CACNA1H: variants seen among roughly 807,000 people sequenced by gnomAD.
The protein encoded by CACNA1H is calcium voltage-gated channel subunit alpha1 H.
CACNA1H carries 149 observed loss-of-function variants against 192.5 expected under a neutral mutation model. The ratio of observed to expected loss-of-function variants is 0.77; its 90% CI spans 0.68 to 0.89. The LOEUF (loss-of-function observed/expected upper bound fraction) is 0.89. Ranked by LOEUF, CACNA1H falls within the 40% of genes least tolerant of loss-of-function variation. The pLI is 0.00. For missense variants in CACNA1H, 4,257 were observed against 3,423.5 expected (o/e 1.24, Z -6.08); for synonymous variants, 2,202 against 1,475.2 (o/e 1.49, Z -11.29).
At chr16:1,197,011 G>T (rs1307940835) in intron 5 of CACNA1H, among the ~76,000 whole-genome samples, 2 of 152,242 alleles carry the variant, frequency 1.3e-5, no homozygotes, top group Non-Finnish European at 2.9e-5. Context: ...TGGCACTCAG[G>T]GCTTGACCTG....
intron 2 of CACNA1H, among the ~76,000 whole-genome samples, chr16:1,156,518 G>C (rs1022655565): frequency 1.3e-5 from 2 of 152,208 alleles, no homozygotes; most frequent in African/African-American, 4.8e-5. Context: ...AGTTGGGAGG[G>C]GGAGGCTTTG....
chr16:1,166,875 C>T (rs1294391414), intron 2 of CACNA1H, among the ~76,000 whole-genome samples: 2 of 152,186 alleles, frequency 1.3e-5, no homozygotes, highest in African/African-American at 4.8e-5. Flanking sequence ...CATGGCGCTG[C>T]CGGGCCGTCC....
chr16:1,186,521 C>T (rs1053889714), intron 2 of CACNA1H, among the ~76,000 whole-genome samples: 2 of 152,088 alleles, frequency 1.3e-5, no homozygotes, highest in Admixed American at 6.5e-5. Context: ...CTCTCCACGG[C>T]GTTCTCATCC....
At chr16:1,210,189 C>T (rs1023940397) in intron 18 of CACNA1H, 54 bp downstream of exon 18, 14 of 1,431,968 alleles carry the variant, frequency 9.8e-6, no homozygotes, top group Admixed American at 6.1e-5. Context: ...ACGGGACCCC[C>T]GCCCCCAGGT....
At chr16:1,186,524 T>C (rs943651123) in intron 2 of CACNA1H, among the ~76,000 whole-genome samples, 1 of 152,030 alleles carries the variant, frequency 6.6e-6, no homozygotes, top group Non-Finnish European at 1.5e-5. Context: ...TCCACGGCGT[T>C]CTCATCCTCC....
chr16:1,219,752 C>T (rs907135957), intron 34 of CACNA1H, among the ~76,000 whole-genome samples: 2 of 151,344 alleles, frequency 1.3e-5, no homozygotes, highest in African/African-American at 2.4e-5. Flanking sequence ...GGCATCTCTG[C>T]CCACAGAGCA....
At chr16:1,174,928 A>ACCCCCACGTCCACCCCCCCAC (rs1964720550) in intron 2 of CACNA1H, among the ~76,000 whole-genome samples, 2 of 130,082 alleles carry the variant, frequency 1.5e-5, no homozygotes, top group Non-Finnish European at 3.3e-5. Flanking sequence ...TTCACCCCCA[A>ACCCCCACGTCCACCCCCCCAC]CCCCCACGTC....
chr16:1,185,111 T>C (rs762948372), intron 2 of CACNA1H, among the ~76,000 whole-genome samples: 3 of 152,202 alleles, frequency 2.0e-5, no homozygotes, highest in Admixed American at 1.3e-4. Flanking sequence ...CCGTGTGACA[T>C]GTGGTCCTTC....
chr16:1,213,887 G>A lies in CACNA1H; in HGVS notation c.4885G>A (p.Val1629Ile). 1.2e-6 allele frequency: 2 copies of A among 1,611,982 alleles called. No homozygotes were observed. Among genetic ancestry groups the A allele is most frequent in the Middle Eastern group, 3.3e-4 (2 of 6,058 alleles). ...LDLFITFIIC[V>I]NVITMSMEHY... ...CCTCTTCATCACCTTCATCATCTGT[G>A]TCAACGTCATCACCATGTCCATGGA... Residue 1629 changes from valine to isoleucine, a missense_variant, in exon 27 of 35, where the codon GTC (valine) becomes ATC (isoleucine). Transcript: ENST00000348261.
intron 23 of CACNA1H, 22 bp downstream of exon 23, chr16:1,211,628 G>C (rs1265191179): frequency 7.5e-6 from 12 of 1,609,424 alleles, no homozygotes; most frequent in Non-Finnish European, 1.0e-5. Flanking sequence ...GGCCGGGCGG[G>C]AGCTGGGGGT....
Position 1,207,964 on chromosome 16 carries a change from C to T in CACNA1H, c.3155-49C>T, listed in dbSNP as rs577997423. 1.3e-5 allele frequency: 20 copies of T among 1,555,080 alleles called. No homozygotes were observed. The South Asian group carries it at 1.3e-4, about 10-fold the overall frequency. On this transcript the variant is annotated intron_variant, in intron 15 of 34. Coordinates refer to ENST00000348261, the MANE Select transcript of CACNA1H (RefSeq NM_021098.3). ...ATCCCTAGGTTGGGGGATTCCTGGTCCTGGGAGCCTGGCAGCTCTAGGGGC... is the reference window on the plus strand; with the variant it reads ...ATCCCTAGGTTGGGGGATTCCTGGTTCTGGGAGCCTGGCAGCTCTAGGGGC...
intron 2 of CACNA1H, among the ~76,000 whole-genome samples, chr16:1,165,650 G>A (rs1003575078): frequency 3.3e-5 from 5 of 152,166 alleles, no homozygotes; most frequent in South Asian, 2.1e-4. Context: ...GCGTCCCCCC[G>A]AGGCCATTGC....
At chr16:1,176,302 C>T (rs1243992920) in intron 2 of CACNA1H, among the ~76,000 whole-genome samples, 2 of 152,190 alleles carry the variant, frequency 1.3e-5, no homozygotes, top group African/African-American at 4.8e-5. Flanking sequence ...AGGGCAGGGG[C>T]GAGGCGCAGC....
At chr16:1,154,265 G>T (rs1428267678) in intron 2 of CACNA1H, among the ~76,000 whole-genome samples, 1 of 152,080 alleles carries the variant, frequency 6.6e-6, no homozygotes, top group Non-Finnish European at 1.5e-5. Context: ...CCCCAGGGCC[G>T]GCTCCGGACG....
chr16:1,177,382 A>G (rs575702804), intron 2 of CACNA1H, among the ~76,000 whole-genome samples: 8 of 152,174 alleles, frequency 5.3e-5, no homozygotes, highest in South Asian at 2.1e-4. Context: ...GGCCCTCCTC[A>G]TGGTACGGTG....
Position 1,154,043 on chromosome 16 carries a change from T to C in CACNA1H, c.299+7T>C. On this transcript the variant is annotated splice_region_variant and intron_variant, in intron 2 of 34. Coordinates refer to ENST00000348261, the MANE Select transcript of CACNA1H (RefSeq NM_021098.3). ...TCCGGCTGGTCTGCAACCCATATCC[T>C]TCCCGGCCGGCGGGGGGCGGGGGGC... 1 of 892,478 alleles carries C rather than the reference T, an allele frequency of 1.1e-6. No individual in the cohort carries two copies. The highest frequency in any genetic ancestry group is 2.9e-5 in the South Asian group (1 of 34,762). 55.3% of individuals were successfully genotyped at this position (892,478 alleles called of 1,614,324 possible).
intron 5 of CACNA1H, among the ~76,000 whole-genome samples, chr16:1,197,088 C>T (rs941999721): frequency 1.3e-5 from 2 of 152,186 alleles, no homozygotes; most frequent in Non-Finnish European, 1.5e-5. Context: ...TCTGGCTTCC[C>T]GAAGGGCAGG....
intron 2 of CACNA1H, among the ~76,000 whole-genome samples, chr16:1,172,365 C>A (rs764474628): frequency 3.3e-5 from 5 of 152,182 alleles, no homozygotes; most frequent in Admixed American, 2.6e-4. Flanking sequence ...TCTACCTGGG[C>A]CCCTCTCACG....
intron 12 of CACNA1H, chr16:1,206,692 G>C (rs766661380): frequency 2.2e-4 from 101 of 459,802 alleles, no homozygotes; most frequent in Non-Finnish European, 3.7e-4. Flanking sequence ...TCACAGTCCA[G>C]AGAGGCTGAA....
Sources: gnomAD v4.1 joint callset for allele counts (sites outside exome capture counted in the v4.1 genomes callset) on GRCh38, gnomAD v4.1.1 for gene constraint, MANE v1.5 for transcripts, NCBI Gene and HGNC (gene_info 2026-07-23, HGNC 2026-07-21) for gene names.